Variants in RBFOX1 observed in about 807,000 individuals in gnomAD.
RBFOX1 encodes RNA binding fox-1 homolog 1, also known as RNA binding protein fox-1 homolog 1.
Under a neutral mutation model 57.7 loss-of-function variants are expected in RBFOX1, and 8 were observed. The ratio of observed to expected loss-of-function variants is 0.14; its 90% CI spans 0.08 to 0.25. The LOEUF is 0.25. Ranked by LOEUF, RBFOX1 falls within the 10% of genes least tolerant of loss-of-function variation. The pLI, the probability that RBFOX1 is intolerant of heterozygous loss-of-function variation, is 1.00. For missense variants in RBFOX1, 611 were observed against 548.5 expected (o/e 1.11, Z -1.14); for synonymous variants, 326 against 222.4 (o/e 1.47, Z -4.15).
At chr16:6,044,924 A>G (rs1349395436) in intron 1 of RBFOX1, among the ~76,000 whole-genome samples, 1 of 152,204 alleles carries the variant, frequency 6.6e-6, no homozygotes, top group East Asian at 1.9e-4. Flanking sequence ...CCAACTTTGT[A>G]AAATTTTGAG....
chr16:7,177,859 A>G (rs558495141), intron 4 of RBFOX1, among the ~76,000 whole-genome samples: 1 of 152,348 alleles, frequency 6.6e-6, no homozygotes, highest in South Asian at 2.1e-4. Flanking sequence ...TTTAGTTACA[A>G]AAGCAGACAG....
chr16:6,973,078 C>A lies in RBFOX1; in HGVS notation c.-15-78979C>A, dbSNP rs547327318. 3.9e-5 allele frequency among the ~76,000 whole-genome samples: 6 copies of A among 152,046 alleles called. No homozygotes were observed. In the South Asian group the frequency reaches 1.2e-3, roughly 32 times the overall value. ...CCTGGGAGGTGGAGGCTGCAGTGAG[C>A]TGAGATTGCACTACTGCACTCCAGC... is the stretch of plus-strand genomic sequence containing the variant. On this transcript the variant is annotated intron_variant, in intron 3 of 15. Coordinates refer to ENST00000550418, the MANE Select transcript of RBFOX1 (RefSeq NM_018723.4).
intron 4 of RBFOX1, among the ~76,000 whole-genome samples, chr16:7,392,836 G>A (rs769777250): frequency 2.1e-4 from 30 of 145,488 alleles, no homozygotes; most frequent in Non-Finnish European, 4.5e-4. Context: ...TTGGTTTTTT[G>A]TTGTTTTGGT....
At chr16:6,693,744 C>G (rs919728452) in intron 3 of RBFOX1, among the ~76,000 whole-genome samples, 2 of 151,938 alleles carry the variant, frequency 1.3e-5, no homozygotes, top group African/African-American at 4.8e-5. Flanking sequence ...TCATCCTCAT[C>G]CACTAACATC....
chr16:7,368,952 A>G (rs895519797), intron 4 of RBFOX1, among the ~76,000 whole-genome samples: 5 of 151,984 alleles, frequency 3.3e-5, no homozygotes, highest in African/African-American at 9.7e-5. Flanking sequence ...AGGGAGGTGA[A>G]TCTTTCTTTT....
chr16:6,495,905 G>A (rs1000326075), intron 2 of RBFOX1, among the ~76,000 whole-genome samples: 2 of 152,168 alleles, frequency 1.3e-5, no homozygotes, highest in Non-Finnish European at 2.9e-5. Flanking sequence ...TTGTTTGGCT[G>A]CTTTACATTA....
chr16:5,456,798 A>T (rs1361679723), intron 1 of RBFOX1, among the ~76,000 whole-genome samples: 2 of 152,042 alleles, frequency 1.3e-5, no homozygotes, highest in Non-Finnish European at 2.9e-5. Flanking sequence ...CTTGAATCTC[A>T]TCCCCCTTGG....
chr16:7,161,189 C>T (rs1184646304), intron 4 of RBFOX1, among the ~76,000 whole-genome samples: 10 of 152,080 alleles, frequency 6.6e-5, no homozygotes, highest in African/African-American at 2.2e-4. Context: ...CTATCTGCAG[C>T]AGGACTATGT....
At chr16:6,836,918 G>C (rs1456816846) in intron 3 of RBFOX1, among the ~76,000 whole-genome samples, 2 of 152,296 alleles carry the variant, frequency 1.3e-5, no homozygotes, top group African/African-American at 2.4e-5. Context: ...CAAGCAAAGA[G>C]TGTGACACAC....
chr16:6,674,216 AATTT>A (rs2098786246), intron 3 of RBFOX1, among the ~76,000 whole-genome samples: 1 of 152,146 alleles, frequency 6.6e-6, no homozygotes, highest in South Asian at 2.1e-4. Flanking sequence ...TGTGAATGTA[AATTT>A]ATTTAGAGAT....
intron 4 of RBFOX1, among the ~76,000 whole-genome samples, chr16:7,360,460 G>A (rs1389884015): frequency 6.6e-6 from 1 of 152,088 alleles, no homozygotes; most frequent in Non-Finnish European, 1.5e-5. Flanking sequence ...AATGGGAGAA[G>A]CCTTTACTAA....
chr16:5,853,136 G>T, intron 3 of RBFOX1, among the ~76,000 whole-genome samples: 1 of 151,412 alleles, frequency 6.6e-6, no homozygotes, highest in East Asian at 2.0e-4. Context: ...CAGTAAGGGG[G>T]TGCAAGCTGA....
At chr16:6,709,580 A>C (rs182004852) in intron 3 of RBFOX1, among the ~76,000 whole-genome samples, 3 of 152,188 alleles carry the variant, frequency 2.0e-5, no homozygotes, top group Non-Finnish European at 4.4e-5. Context: ...CTCATTTCCA[A>C]TGTAAGATTG....
At chr16:7,366,506 G>C (rs1246120984) in intron 4 of RBFOX1, among the ~76,000 whole-genome samples, 1 of 152,180 alleles carries the variant, frequency 6.6e-6, no homozygotes, top group African/African-American at 2.4e-5. Context: ...AGGCTGTTGA[G>C]GCACAGCCTG....
intron 4 of RBFOX1, among the ~76,000 whole-genome samples, chr16:7,286,636 T>TTTC (rs2095656971): frequency 6.9e-6 from 1 of 144,108 alleles, no homozygotes; most frequent in Non-Finnish European, 1.5e-5. Context: ...TTTTTTTTTT[T>TTTC]TTTTTGAGAC....
chr16:5,977,243 C>T (rs1046415544), intron 4 of RBFOX1, among the ~76,000 whole-genome samples: 1 of 152,178 alleles, frequency 6.6e-6, no homozygotes, highest in Non-Finnish European at 1.5e-5. Flanking sequence ...TTGATGATGG[C>T]TCCTCACCAC....
chr16:6,340,401 G>T (rs1216159251), intron 2 of RBFOX1, among the ~76,000 whole-genome samples: 1 of 152,200 alleles, frequency 6.6e-6, no homozygotes, highest in Non-Finnish European at 1.5e-5. Flanking sequence ...AATCCACAGA[G>T]TAAAGTGAAA....
chr16:7,619,254 G>T (rs6501002), intron 10 of RBFOX1, among the ~76,000 whole-genome samples: 152,254 of 152,324 alleles, frequency 1, 76,092 homozygotes, highest in Non-Finnish European at 1. Context: ...CTAGTGTTTG[G>T]TTGATGTGCA....
chr16:6,519,485 G>T (rs1367537995), intron 2 of RBFOX1, among the ~76,000 whole-genome samples: 2 of 152,124 alleles, frequency 1.3e-5, no homozygotes, highest in African/African-American at 4.8e-5. Context: ...AAGATCACCT[G>T]AGGTCAAGAG....
Sources: gnomAD v4.1 joint callset for allele counts (sites outside exome capture counted in the v4.1 genomes callset) on GRCh38, gnomAD v4.1.1 for gene constraint, MANE v1.5 for transcripts, NCBI Gene and HGNC (gene_info 2026-07-23, HGNC 2026-07-21) for gene names.